Variants in SAXO2 observed in about 807,000 individuals in gnomAD.
SAXO2 encodes the protein stabilizer of axonemal microtubules 2, also known as family with sequence similarity 154, member B.
Under a neutral mutation model 18.7 loss-of-function variants are expected in SAXO2, and 17 were observed. That is an observed-to-expected ratio of 0.91 (90% CI 0.62 to 1.36). The LOEUF is 1.36. Among genes scored for constraint, SAXO2 ranks in the 40% most tolerant of loss-of-function variants. SAXO2 has a pLI of 0.00. For missense variants in SAXO2, 486 were observed against 562.6 expected (o/e 0.86, Z 1.38); for synonymous variants, 163 against 181.2 (o/e 0.90, Z 0.81).
At chr15:82,275,754 C>T (rs1047600245) in intron 3 of SAXO2, among the ~76,000 whole-genome samples, 3 of 152,208 alleles carry the variant, frequency 2.0e-5, no homozygotes, top group Admixed American at 1.3e-4. Flanking sequence ...TCTCAACAAA[C>T]TAGGCATTGA....
Position 82,262,863 on chromosome 15 carries a change from GC to G in SAXO2, c.-16del, listed in dbSNP as rs1489211171. On this transcript the variant is annotated 5_prime_UTR_variant, in exon 1 of 4. Transcript: ENST00000682753. ...GAGTGGAGAAGCTGCAAGTGCTGAG[GC>G]GCGGTGGAGGAAAGCATGGGAGCCA... is the stretch of plus-strand genomic sequence containing the variant. 3.2e-6 allele frequency: 5 copies of G among 1,581,488 alleles called. No homozygotes were observed. In the African/African-American group the frequency reaches 5.4e-5, roughly 17 times the overall value.
intron 1 of SAXO2, 95 bp downstream of exon 1, chr15:82,263,027 C>T (rs185691325): frequency 0.024 from 37,399 of 1,537,092 alleles, 504 homozygotes; most frequent in Non-Finnish European, 0.028. Context: ...CTGAGAGTGG[C>T]CGTCCCCCGG....
In SAXO2 at chr15:82,268,567, A is replaced by G. The variant is rs187714162; in HGVS notation, c.233+2819A>G. Among the ~76,000 whole-genome samples the G allele has an allele frequency of 3.9e-5, 6 of 152,368 alleles. No homozygotes were observed. The East Asian group carries it at 1.2e-3, about 29-fold the overall frequency. On this transcript the variant is annotated intron_variant, in intron 2 of 3. Coordinates refer to ENST00000682753, the MANE Select transcript of SAXO2 (RefSeq NM_001348699.2). ...CTTGAAACTCTTGCTTGACTCTCTC[A>G]TGTTGGCTGTGTTGACTAGGCAGTA...
chr15:82,264,837 G>A (rs1258142494), intron 1 of SAXO2: 1 of 681,740 alleles, frequency 1.5e-6, no homozygotes, highest in Non-Finnish European at 2.7e-6. Flanking sequence ...CCAATCTCTT[G>A]TTGCCTCTAT....
At chr15:82,280,140 T>C (rs1355958735) in intron 3 of SAXO2, among the ~76,000 whole-genome samples, 4 of 152,268 alleles carry the variant, frequency 2.6e-5, no homozygotes, top group Non-Finnish European at 5.9e-5. Flanking sequence ...AGATAATAAA[T>C]ATTCCAGGCA....
intron 2 of SAXO2, 45 bp downstream of exon 2, chr15:82,265,793 T>G (rs1257251586): frequency 1.4e-6 from 2 of 1,417,254 alleles, no homozygotes; most frequent in Admixed American, 4.6e-5. Flanking sequence ...TTCTCTCAAC[T>G]CTTCTGGTGT....
At chr15:82,271,500 T>A (rs1256504552) in intron 2 of SAXO2, 103 bp from the exon 3 acceptor site, 1 of 960,052 alleles carries the variant, frequency 1.0e-6, no homozygotes, top group Admixed American at 3.2e-5. Context: ...CTCAGACTTT[T>A]CCAGTAAAAA....
At position 82,283,155 on chromosome 15, in the gene SAXO2, TA is replaced by T; in HGVS notation, c.*96del. 2.0e-6 allele frequency: 1 copy of T among 501,234 alleles called. No homozygotes were observed. The highest frequency in any genetic ancestry group is 2.2e-5 in the African/African-American group (1 of 45,366). The allele number at this position is 501,234 out of a possible 1,614,324, so 31.0% of individuals were successfully genotyped here. On this transcript the variant is annotated 3_prime_UTR_variant, in exon 4 of 4. Transcript: ENST00000682753. Reference sequence around the variant, plus strand: ...TATAGTTAAAAAATTTATGATATAATAAATCATTTTTTATATTTTTAAACAA... The same window carrying T: ...TATAGTTAAAAAATTTATGATATAATAATCATTTTTTATATTTTTAAACAA...
In SAXO2 at chr15:82,264,923, A is replaced by G. The variant is rs1596024658; in HGVS notation, c.54-646A>G. The G allele has an allele frequency of 5.2e-6, 3 of 582,332 alleles. No individual in the cohort carries two copies. In the East Asian group the frequency reaches 8.3e-5, roughly 16 times the overall value. 36.1% of individuals were successfully genotyped at this position (582,332 alleles called of 1,614,324 possible). ...TAGCTCTCTTCTGAATCAAAGTATC[A>G]TGTGAATACACATAGTAGGTGAAAC... On this transcript the variant is annotated intron_variant, in intron 1 of 3. Coordinates refer to ENST00000682753, the MANE Select transcript of SAXO2 (RefSeq NM_001348699.2).
At chr15:82,264,068 A>ATTTTTTTT (rs397853729) in intron 1 of SAXO2, among the ~76,000 whole-genome samples, 1 of 86,912 alleles carries the variant, frequency 1.2e-5, no homozygotes. Flanking sequence ...ATATGCATTG[A>ATTTTTTTT]TTTTTTTTTT....
In SAXO2 at chr15:82,282,856, A is replaced by G. The variant is rs900070606; in HGVS notation, c.1171A>G (p.Thr391Ala). ...SHYVPHELIPTESCKPLNIAF... is the reference protein window; with the variant it reads ...SHYVPHELIPAESCKPLNIAF... ...CTATGTGCCACATGAATTGATCCCAACAGAGAGTTGCAAACCTTTAAATAT... is the reference window on the plus strand; with the variant it reads ...CTATGTGCCACATGAATTGATCCCAGCAGAGAGTTGCAAACCTTTAAATAT... Residue 391 changes from threonine (T) to alanine (A), a missense_variant, in exon 4 of 4, where the codon ACA (threonine) becomes GCA (alanine). Transcript: ENST00000682753. The G allele has an allele frequency of 2.5e-6, 4 of 1,613,928 alleles. No homozygotes were observed. The African/African-American group carries it at 4.0e-5, about 16-fold the overall frequency.
Position 82,282,394 on chromosome 15 carries a change from C to T in SAXO2, c.709C>T (p.Arg237Cys), listed in dbSNP as rs757241533. Residue 237 changes from arginine (R) to cysteine (C), a missense_variant, in exon 4 of 4, where the codon CGC becomes TGC. By Grantham distance (180) the Arg-to-Cys change is radical. Transcript: ENST00000682753. ...PKEVYKPTDQ[R>C]FEDLTTHRCD... ...AGAAGTTTACAAACCAACTGACCAA[C>T]GCTTTGAGGATCTCACAACTCACCG... 1.1e-5 allele frequency: 17 copies of T among 1,588,712 alleles called. No individual in the cohort carries two copies. The highest frequency in any genetic ancestry group is 8.9e-5 in the East Asian group (4 of 44,884).
intron 3 of SAXO2, among the ~76,000 whole-genome samples, chr15:82,276,173 TG>T (rs908679585): frequency 6.6e-6 from 1 of 152,114 alleles, no homozygotes; most frequent in Admixed American, 6.5e-5. Context: ...TCACAGTACC[TG>T]GGCATACATC....
intron 3 of SAXO2, among the ~76,000 whole-genome samples, chr15:82,272,970 A>G (rs574174108): frequency 4.6e-5 from 7 of 151,892 alleles, no homozygotes; most frequent in African/African-American, 7.2e-5. Context: ...TAGTGGCGCA[A>G]TCTTGGCTCA....
In SAXO2 at chr15:82,282,853, C is replaced by T; in HGVS notation, c.1168C>T (p.Pro390Ser). The T allele has an allele frequency of 6.2e-7, 1 of 1,613,686 alleles. No homozygotes were observed. The highest frequency in any genetic ancestry group is 2.2e-5 in the East Asian group (1 of 44,874). The change falls in exon 4 of 4, where the codon CCA (proline) becomes TCA (serine). Residue 390 changes from proline to serine, a missense_variant. By Grantham distance (74) the Pro-to-Ser change is moderately conservative. Transcript: ENST00000682753. ...TCACTATGTGCCACATGAATTGATC[C>T]CAACAGAGAGTTGCAAACCTTTAAA... is the stretch of plus-strand genomic sequence containing the variant. ...RSHYVPHELI[P>S]TESCKPLNIA...
chr15:82,284,665 ACT>A lies in SAXO2; in HGVS notation c.*1606_*1607del, dbSNP rs1330096748. ...TGCTAAAAATTTCCGAATGAATTAA[ACT>A]CTTATTGGGTGGTTTCTTTTTTTAA... On this transcript the variant is annotated 3_prime_UTR_variant, in exon 4 of 4. Transcript: ENST00000682753. The A allele has an allele frequency of 6.6e-6, 1 of 151,824 alleles. No individual in the cohort carries two copies. Among genetic ancestry groups the A allele is most frequent in the Non-Finnish European group, 1.5e-5 (1 of 67,972 alleles). 9.4% of individuals were successfully genotyped at this position (151,824 alleles called of 1,614,324 possible).
chr15:82,267,885 C>G (rs2075234520), intron 2 of SAXO2, among the ~76,000 whole-genome samples: 2 of 152,136 alleles, frequency 1.3e-5, no homozygotes, highest in Non-Finnish European at 1.5e-5. Flanking sequence ...TAGAGTGGGT[C>G]TCAGGAAACT....
chr15:82,277,263 CAACTT>C, intron 3 of SAXO2, among the ~76,000 whole-genome samples: 1 of 152,244 alleles, frequency 6.6e-6, no homozygotes, highest in East Asian at 1.9e-4. Context: ...GCAATACAAT[CAACTT>C]AAGCCCAGCT....
intron 3 of SAXO2, among the ~76,000 whole-genome samples, chr15:82,279,152 A>G (rs915323960): frequency 1.3e-5 from 2 of 152,188 alleles, no homozygotes; most frequent in African/African-American, 2.4e-5. Context: ...ATAAATGAAA[A>G]GAGAGAAGAC....
Sources: allele counts gnomAD v4.1 joint callset (sites outside exome capture counted in the v4.1 genomes callset), GRCh38; gene constraint gnomAD v4.1.1; transcripts MANE v1.5; gene names NCBI Gene and HGNC (gene_info 2026-07-23, HGNC 2026-07-21).